Variants in NRG4 observed in about 807,000 individuals in gnomAD.
NRG4 encodes the protein neuregulin 4.
In NRG4, 10 loss-of-function variants were observed where a neutral mutation model predicts 15.0. That is an observed-to-expected ratio of 0.67 (90% confidence interval 0.41 to 1.13). The LOEUF is 1.13. Among genes scored for constraint, NRG4 ranks in the 50% most tolerant of loss-of-function variants. The pLI is 0.00. For synonymous variants in NRG4, 41 were observed against 50.1 expected, an observed-to-expected ratio of 0.82 and a Z score of 0.77; for missense variants, 139 against 140.2, an observed-to-expected ratio of 0.99 and a Z score of 0.04.
intron 5 of NRG4, among the ~76,000 whole-genome samples, chr15:75,951,890 TTCTGG>T (rs2031923907): frequency 6.6e-6 from 1 of 152,178 alleles, no homozygotes. Context: ...TAGTTGTCAT[TTCTGG>T]TGCTCTTCCT....
intron 3 of NRG4, among the ~76,000 whole-genome samples, chr15:75,993,537 T>C (rs947923164): frequency 6.6e-6 from 1 of 151,268 alleles, no homozygotes; most frequent in Non-Finnish European, 1.5e-5. Flanking sequence ...TCGACTCTAC[T>C]AAAAATTCAA....
chr15:75,987,313 A>G (rs1382358126), intron 3 of NRG4, among the ~76,000 whole-genome samples: 1 of 152,202 alleles, frequency 6.6e-6, no homozygotes, highest in African/African-American at 2.4e-5. Flanking sequence ...GGTTTTCACA[A>G]TTTTTGTCAA....
chr15:76,021,001 C>T (rs865948593), intron 5 of NRG4, among the ~76,000 whole-genome samples: 3 of 152,190 alleles, frequency 2.0e-5, no homozygotes, highest in African/African-American at 7.2e-5. Flanking sequence ...GTAGAAGATA[C>T]CATCTTGAAC....
intron 1 of NRG4, chr15:76,057,040 C>T (rs895221943): frequency 6.6e-6 from 1 of 152,162 alleles, no homozygotes; most frequent in Non-Finnish European, 1.5e-5. Context: ...AGTGATATAC[C>T]AAGCTTAAAC....
chr15:76,006,843 T>C lies in NRG4; in HGVS notation c.104+2357A>G, dbSNP rs138450830. On this transcript the variant is annotated intron_variant, in intron 3 of 5. Transcript: ENST00000394907. ...GATGACAACCTAGGTTTCTTTCCAT[T>C]TTAATGAATCTCCAAATTCCAGCAT... Among the ~76,000 whole-genome samples the C allele has an allele frequency of 5.4e-3, 828 of 152,326 alleles. 12 individuals carry two copies. The highest frequency in any genetic ancestry group is 0.019 in the African/African-American group (785 of 41,560).
At chr15:75,971,664 T>C (rs570430236) in intron 3 of NRG4, among the ~76,000 whole-genome samples, 18 of 152,184 alleles carry the variant, frequency 1.2e-4, no homozygotes, top group Non-Finnish European at 2.4e-4. Context: ...ATAAGTAAGT[T>C]CTTATGTAAT....
At chr15:75,964,479 A>G (rs536933935) in intron 3 of NRG4, among the ~76,000 whole-genome samples, 63 of 152,340 alleles carry the variant, frequency 4.1e-4, no homozygotes, top group African/African-American at 1.4e-3. Context: ...AATGTTAAAG[A>G]TAGGGTTCAG....
chr15:75,943,654 C>T lies in NRG4; in HGVS notation c.332G>A (p.Ser111Asn). The change falls in exon 6 of 6, where the codon AGT becomes AAT. Residue 111 changes from serine (S) to asparagine (N), a missense_variant and splice_region_variant. Coordinates refer to ENST00000394907, the MANE Select transcript of NRG4 (RefSeq NM_138573.4). The stretch of plus-strand genomic sequence containing the variant: ...GACGTTTCTTCAGTGTTGTTCATGA[C>T]CTGTGAAAAATAAGTAAGAATTAAG... The part of the protein sequence containing the change: ...VETSSTSAHH[S>N]HEQH The T allele has an allele frequency of 6.4e-7, 1 of 1,570,460 alleles. No homozygotes were observed. The highest frequency in any genetic ancestry group is 1.7e-5 in the Admixed American group (1 of 59,220).
At chr15:76,036,210 G>A (rs928863228) in intron 4 of NRG4, among the ~76,000 whole-genome samples, 2 of 152,216 alleles carry the variant, frequency 1.3e-5, no homozygotes, top group Non-Finnish European at 2.9e-5. Context: ...TCTACCACCT[G>A]ATGTGGTCTT....
intron 4 of NRG4, among the ~76,000 whole-genome samples, chr15:76,037,588 T>C (rs139425515): frequency 9.9e-5 from 15 of 152,250 alleles, no homozygotes; most frequent in Non-Finnish European, 2.1e-4. Context: ...GCTGAAGTGC[T>C]CTGGGGCCCT....
At chr15:76,043,566 TC>T (rs2035796640) in intron 4 of NRG4, among the ~76,000 whole-genome samples, 1 of 152,038 alleles carries the variant, frequency 6.6e-6, no homozygotes, top group South Asian at 2.1e-4. Flanking sequence ...AAATCAAGTA[TC>T]AAGGAATTCA....
At chr15:76,020,675 C>T (rs1444830980) in intron 5 of NRG4, among the ~76,000 whole-genome samples, 2 of 152,228 alleles carry the variant, frequency 1.3e-5, no homozygotes, top group African/African-American at 4.8e-5. Flanking sequence ...CATTCAAAGC[C>T]ATTCTGGGCT....
chr15:76,038,041 C>T (rs1326377367), intron 4 of NRG4, among the ~76,000 whole-genome samples: 1 of 152,116 alleles, frequency 6.6e-6, no homozygotes, highest in Non-Finnish European at 1.5e-5. Context: ...AAGGGAAGGA[C>T]CTATTCCTGG....
intron 4 of NRG4, among the ~76,000 whole-genome samples, chr15:75,958,021 T>A (rs2032323056): frequency 6.6e-6 from 1 of 152,146 alleles, no homozygotes; most frequent in Non-Finnish European, 1.5e-5. Flanking sequence ...TTCTATTTTT[T>A]ATTTTTTTTG....
At chr15:76,017,272 A>G (rs2035010349), upstream of NRG4, among the ~76,000 whole-genome samples, 1 of 149,034 alleles carries the variant, frequency 6.7e-6, no homozygotes, top group South Asian at 2.2e-4. Flanking sequence ...CAGCACGCCA[A>G]TGGGTCTTGA....
intron 4 of NRG4, among the ~76,000 whole-genome samples, chr15:76,050,436 CG>C (rs1210403494): frequency 1.6e-5 from 2 of 121,958 alleles, no homozygotes; most frequent in East Asian, 2.5e-4. Flanking sequence ...CCCGAGCCTT[CG>C]TTTTTTTTTT....
In NRG4 at chr15:76,050,447, T is replaced by TC. The variant is rs1555441810; in HGVS notation, c.-105+1619_-105+1620insG. Among the ~76,000 whole-genome samples, 73 of 141,802 alleles carry TC rather than the reference T, an allele frequency of 5.1e-4. 1 individual carries two copies. Among genetic ancestry groups the TC allele is most frequent in the Non-Finnish European group, 9.5e-4 (62 of 65,322 alleles). 93.0% of individuals were successfully genotyped at this position (141,802 alleles called of 152,430 possible). Reference sequence around the variant, plus strand: ...TCACCCCGAGCCTTCGTTTTTTTTTTTTTTTTTTTTTTGAAACGGAGTCTC... The same window carrying TC: ...TCACCCCGAGCCTTCGTTTTTTTTTTCTTTTTTTTTTTTGAAACGGAGTCTC... On this transcript the variant is annotated intron_variant, in intron 4 of 8. Transcript: ENST00000563910.
intron 5 of NRG4, 59 bp downstream of exon 5, chr15:75,955,873 C>G: frequency 2.1e-6 from 2 of 954,832 alleles, no homozygotes; most frequent in Non-Finnish European, 3.3e-6. Context: ...ATCCCTACAT[C>G]TAACAACAAC....
intron 5 of NRG4, among the ~76,000 whole-genome samples, chr15:76,030,848 T>G (rs2035454654): frequency 6.6e-6 from 1 of 152,238 alleles, no homozygotes; most frequent in South Asian, 2.1e-4. Context: ...ACACAATCTT[T>G]TAGATACTGA....
Sources: gnomAD v4.1 joint callset for allele counts (sites outside exome capture counted in the v4.1 genomes callset) on GRCh38, gnomAD v4.1.1 for gene constraint, MANE v1.5 for transcripts, NCBI Gene and HGNC (gene_info 2026-07-23, HGNC 2026-07-21) for gene names.